The following XRCC4 variants were observed in gnomAD, a reference collection of about 807,000 sequenced individuals.
XRCC4 encodes DNA repair protein XRCC4.
A neutral mutation model predicts 39.1 loss-of-function variants in XRCC4; 28 were observed. The observed-to-expected ratio is 0.72, with a 90% CI of 0.53 to 0.98. The LOEUF (loss-of-function observed/expected upper bound fraction) is 0.98, where lower values mean the gene tolerates loss of function less well. Among genes scored for constraint, XRCC4 ranks in the 50% least tolerant of loss-of-function variants. The probability of loss-of-function intolerance (pLI) is 0.00; values close to 1 mark genes in which losing one functional copy is unlikely to be tolerated. For missense variants in XRCC4, 350 were observed against 376.4 expected (o/e 0.93, Z 0.58); for synonymous variants, 123 against 126.4 (o/e 0.97, Z 0.18).
At chr5:83,144,982 G>A (rs1265308862) in intron 3 of XRCC4, among the ~76,000 whole-genome samples, 2 of 151,958 alleles carry the variant, frequency 1.3e-5, no homozygotes, top group East Asian at 1.9e-4. Context: ...TGCAAGCTCC[G>A]CCTCCCGAGT....
At chr5:83,204,559 C>G (rs1751343874) in intron 5 of XRCC4, among the ~76,000 whole-genome samples, 1 of 151,658 alleles carries the variant, frequency 6.6e-6, no homozygotes, top group African/African-American at 2.4e-5. Context: ...AGAATAGTAC[C>G]TGATAAGAAA....
At chr5:83,329,662 T>C (rs1360238630) in intron 7 of XRCC4, among the ~76,000 whole-genome samples, 1 of 152,090 alleles carries the variant, frequency 6.6e-6, no homozygotes, top group Non-Finnish European at 1.5e-5. Flanking sequence ...CTTGATCAAA[T>C]GCAATAGGAA....
chr5:83,285,163 GA>G (rs890098619), intron 7 of XRCC4, among the ~76,000 whole-genome samples: 1 of 152,028 alleles, frequency 6.6e-6, no homozygotes, highest in African/African-American at 2.4e-5. Flanking sequence ...GCAAGTTGCA[GA>G]ATTGTACATA....
intron 6 of XRCC4, among the ~76,000 whole-genome samples, chr5:83,218,311 A>G (rs1196314698): frequency 6.7e-6 from 1 of 148,392 alleles, no homozygotes; most frequent in African/African-American, 2.5e-5. Flanking sequence ...TCTCAAACTC[A>G]TAAAACTTTA....
intron 7 of XRCC4, among the ~76,000 whole-genome samples, chr5:83,282,434 GAA>G (rs1297146259): frequency 6.6e-6 from 1 of 152,000 alleles, no homozygotes; most frequent in Non-Finnish European, 1.5e-5. Flanking sequence ...AACCATGTCA[GAA>G]AAGCCACAGG....
chr5:83,220,679 T>C (rs573137281), intron 6 of XRCC4, among the ~76,000 whole-genome samples: 2 of 152,200 alleles, frequency 1.3e-5, no homozygotes, highest in East Asian at 3.9e-4. Context: ...AATTCAAGCC[T>C]TGTGGTAAAA....
chr5:83,292,738 T>C (rs1320888582), intron 7 of XRCC4, among the ~76,000 whole-genome samples: 1 of 151,890 alleles, frequency 6.6e-6, no homozygotes, highest in Non-Finnish European at 1.5e-5. Flanking sequence ...TTTTTCTTTT[T>C]CTTTTTTAAC....
chr5:83,179,358 A>T (rs1354632239), intron 3 of XRCC4, among the ~76,000 whole-genome samples: 1 of 152,150 alleles, frequency 6.6e-6, no homozygotes, highest in African/African-American at 2.4e-5. Flanking sequence ...TTTAAATATG[A>T]GGCAAAGACA....
chr5:83,356,829 G>T (rs375811665), downstream of XRCC4: 1 of 370,524 alleles, frequency 2.7e-6, no homozygotes, highest in Non-Finnish European at 5.4e-6. Context: ...TCTAAGATAA[G>T]GAGATTACAT....
At chr5:83,171,834 G>T (rs192849023) in intron 3 of XRCC4, among the ~76,000 whole-genome samples, 190 of 152,292 alleles carry the variant, frequency 1.2e-3, no homozygotes, top group Admixed American at 3.1e-3. Flanking sequence ...CACAAGGACA[G>T]AAAGTATGCT....
At chr5:83,284,806 C>A (rs1754677503) in intron 7 of XRCC4, among the ~76,000 whole-genome samples, 1 of 151,978 alleles carries the variant, frequency 6.6e-6, no homozygotes, top group African/African-American at 2.4e-5. Flanking sequence ...TATTGTGACA[C>A]CTCTTAAAGT....
chr5:83,197,287 G>C (rs568199228), intron 4 of XRCC4, among the ~76,000 whole-genome samples: 2 of 152,174 alleles, frequency 1.3e-5, no homozygotes, highest in South Asian at 4.1e-4. Flanking sequence ...TCTTGGACCT[G>C]TATCTGTAGC....
At chr5:83,168,042 CAA>C (rs945668102) in intron 3 of XRCC4, among the ~76,000 whole-genome samples, 12 of 151,782 alleles carry the variant, frequency 7.9e-5, no homozygotes, top group Middle Eastern at 3.4e-3. Context: ...AATAGGAAAA[CAA>C]AAAATGATGG....
chr5:83,250,847 T>C (rs1337462238), intron 6 of XRCC4, among the ~76,000 whole-genome samples: 1 of 152,216 alleles, frequency 6.6e-6, no homozygotes, highest in Non-Finnish European at 1.5e-5. Flanking sequence ...TTATAATAGA[T>C]ATTTGACAAT....
Position 83,272,294 on chromosome 5 carries a change from T to C in XRCC4, c.893+13617T>C, listed in dbSNP as rs548276704. 2.0e-5 allele frequency among the ~76,000 whole-genome samples: 3 copies of C among 152,312 alleles called. No individual in the cohort carries two copies. In the South Asian group the frequency reaches 6.2e-4, roughly 32 times the overall value. Reference sequence around the variant, plus strand: ...TTAATTTTCCAGTGTTCCATTAAAGTCATACCCCCCCAAACCCTGTTTATA... The same window carrying C: ...TTAATTTTCCAGTGTTCCATTAAAGCCATACCCCCCCAAACCCTGTTTATA... On this transcript the variant is annotated intron_variant, in intron 7 of 7. Coordinates refer to ENST00000396027, the MANE Select transcript of XRCC4 (RefSeq NM_003401.5).
At chr5:83,260,199 T>C (rs1344725398) in intron 7 of XRCC4, among the ~76,000 whole-genome samples, 1 of 152,132 alleles carries the variant, frequency 6.6e-6, no homozygotes, top group African/African-American at 2.4e-5. Flanking sequence ...CAAGGCATAG[T>C]GTGATCTCTT....
At chr5:83,083,223 TC>T (rs1379591574) in intron 1 of XRCC4, among the ~76,000 whole-genome samples, 4 of 152,240 alleles carry the variant, frequency 2.6e-5, no homozygotes, top group African/African-American at 7.2e-5. Context: ...TTAATTGTGT[TC>T]CCCTATTAAA....
Position 83,104,954 on chromosome 5 carries a change from C to G in XRCC4, c.35C>G (p.Ser12Cys), listed in dbSNP as rs28383138. ...ERKISRIHLV[S>C]EPSITHFLQV... ...AAAATAAGCAGAATCCACCTTGTTTCTGAACCCAGTATAACTCATTTTCTA... is the reference window on the plus strand; with the variant it reads ...AAAATAAGCAGAATCCACCTTGTTTGTGAACCCAGTATAACTCATTTTCTA... Residue 12 changes from serine (S) to cysteine (C), a missense_variant, in exon 2 of 8, where the codon TCT becomes TGT. Ser to Cys is a moderately radical substitution (Grantham distance 112, BLOSUM62 -1). Transcript: ENST00000396027. The G allele has an allele frequency of 1.4e-3, 2,278 of 1,613,420 alleles. 34 individuals carry two copies. The African/African-American group carries it at 0.027, about 19-fold the overall frequency.
At chr5:83,152,511 T>C (rs955301830) in intron 3 of XRCC4, among the ~76,000 whole-genome samples, 28 of 151,672 alleles carry the variant, frequency 1.8e-4, no homozygotes, top group African/African-American at 6.1e-4. Context: ...CGGGTGCCTG[T>C]AATCCCAGCT....
Sources: allele counts gnomAD v4.1 joint callset (sites outside exome capture counted in the v4.1 genomes callset), GRCh38; gene constraint gnomAD v4.1.1; transcripts MANE v1.5; gene names NCBI Gene and HGNC (gene_info 2026-07-23, HGNC 2026-07-21).